Variants in PEDS1 observed in about 807,000 individuals in gnomAD.
PEDS1 encodes plasmanylethanolamine desaturase 1.
A neutral mutation model predicts 35.2 loss-of-function variants in PEDS1; 14 were observed. That is an observed-to-expected ratio of 0.40 (90% CI 0.26 to 0.62). The LOEUF (loss-of-function observed/expected upper bound fraction) is 0.62. Among genes scored for constraint, PEDS1 ranks in the 20% least tolerant of loss-of-function variants. PEDS1 has a pLI of 0.44. For missense variants in PEDS1, 260 were observed against 367.8 expected, an observed-to-expected ratio of 0.71 and a Z score of 2.40; for synonymous variants, 152 against 152.0, an observed-to-expected ratio of 1.00 and a Z score of 0.00.
At chr20:50,141,351 G>A (rs1241941126) in intron 2 of PEDS1, among the ~76,000 whole-genome samples, 1 of 152,224 alleles carries the variant, frequency 6.6e-6, no homozygotes, top group East Asian at 1.9e-4. Context: ...CACATAGTAG[G>A]TGCTCACAAA....
chr20:50,143,756 G>C, intron 1 of PEDS1, 135 bp from the exon 2 acceptor site: 1 of 1,415,852 alleles, frequency 7.1e-7, no homozygotes. Context: ...GGAGTGCAGT[G>C]GTGCCATCTC....
At position 50,139,530 on chromosome 20, in the gene PEDS1, C is replaced by A. The variant is rs375636768; in HGVS notation, c.241+3972G>T. On this transcript the variant is annotated intron_variant, in intron 2 of 5. Transcript: ENST00000371652. ...CCCCCGACCTCCCTGGTTCTCCCCC[C>A]ATCTCCCTGGCAGCGCCATCCCAGC... 5.3e-4 allele frequency among the ~76,000 whole-genome samples: 81 copies of A among 151,970 alleles called. 2 individuals carry two copies. In the South Asian group the frequency reaches 0.015, roughly 27 times the overall value.
Position 50,118,942 on chromosome 20 carries a change from A to T in PEDS1, c.*6116T>A, listed in dbSNP as rs1468484004. On this transcript the variant is annotated 3_prime_UTR_variant, in exon 6 of 6. Transcript: ENST00000371652. ...TTACATGTGAACTTCTGAAATCAGG[A>T]TGCATCTTAGAATCAGTGACATCTT... 1 of 152,190 alleles carries T rather than the reference A, an allele frequency of 6.6e-6. No homozygotes were observed. Among genetic ancestry groups the T allele is most frequent in the African/African-American group, 2.4e-5 (1 of 41,450 alleles). 9.4% of individuals were successfully genotyped at this position (152,190 alleles called of 1,614,324 possible).
rs1270077595 is a variant in PEDS1, at chr20:50,153,520, G to A, written c.118C>T (p.Pro40Ser). ...GARELAALYS[P>S]GKRLQEWCSV... ...GAGGGGGGCCCAGAGGTCTTACCTG[G>A]CGAGTAGAGCGCAGCCAGCTCGCGG... is the stretch of plus-strand genomic sequence containing the variant. Residue 40 changes from proline (P) to serine (S), a missense_variant, in exon 1 of 6, where the codon CCA (proline) becomes TCA (serine). Around this residue, in one of 4 missense-constraint regions of PEDS1, gnomAD observed 114 missense variants for 121.6 expected, o/e 0.94. Transcript: ENST00000371652. 4 of 1,408,554 alleles carry A rather than the reference G, an allele frequency of 2.8e-6. No individual in the cohort carries two copies. Among genetic ancestry groups the A allele is most frequent in the Non-Finnish European group, 3.7e-6 (4 of 1,075,016 alleles). 87.3% of individuals were successfully genotyped at this position (1,408,554 alleles called of 1,614,324 possible).
chr20:50,153,557 C>A lies in PEDS1; in HGVS notation c.81G>T (p.Gln27His). 1.4e-6 allele frequency: 2 copies of A among 1,434,720 alleles called. No individual in the cohort carries two copies. Among genetic ancestry groups the A allele is most frequent in the Non-Finnish European group, 1.8e-6 (2 of 1,087,642 alleles). The allele number at this position is 1,434,720 out of a possible 1,614,324, so 88.9% of individuals were successfully genotyped here. Residue 27 changes from glutamine (Q) to histidine (H), a missense_variant, in exon 1 of 6, where the codon CAG becomes CAT. Physicochemically the swap from Gln to His is conservative, Grantham distance 24. Transcript: ENST00000371652. ...DEASCCRWGA[Q>H]HAGARELAAL... ...CAGCCAGCTCGCGGGCCCCGGCGTGCTGCGCGCCCCAGCGGCAACAAGACG... is the reference window on the plus strand; with the variant it reads ...CAGCCAGCTCGCGGGCCCCGGCGTGATGCGCGCCCCAGCGGCAACAAGACG...
rs1279351983 is a variant in PEDS1, at chr20:50,121,020, C to G, written c.*4038G>C. ...GCCACTACCCTGTGCCACCACCAGA[C>G]AGCAGCACATGCCTACCTGAAACCA... On this transcript the variant is annotated 3_prime_UTR_variant, in exon 6 of 6. Coordinates refer to ENST00000371652, the MANE Select transcript of PEDS1 (RefSeq NM_199129.4). 2 of 152,474 alleles carry G rather than the reference C, an allele frequency of 1.3e-5. No individual in the cohort carries two copies. Among genetic ancestry groups the G allele is most frequent in the East Asian group, 1.9e-4 (1 of 5,198 alleles). The allele number at this position is 152,474 out of a possible 1,614,324, so 9.4% of individuals were successfully genotyped here.
chr20:50,132,431 T>C (rs1016244957), intron 2 of PEDS1, among the ~76,000 whole-genome samples: 2 of 152,140 alleles, frequency 1.3e-5, no homozygotes, highest in Non-Finnish European at 2.9e-5. Context: ...CTCCTTTCCC[T>C]TGCATGCCTC....
At position 50,121,370 on chromosome 20, in the gene PEDS1, A is replaced by T. The variant is rs1424422615; in HGVS notation, c.*3688T>A. On this transcript the variant is annotated 3_prime_UTR_variant, in exon 6 of 6. Transcript: ENST00000371652. ...GGCTTTGGGTCAGACGCTGGCTCAA[A>T]TCCTGATTCTGCCACCTACCAGCTG... is the stretch of plus-strand genomic sequence containing the variant. The T allele has an allele frequency of 2.0e-5, 3 of 152,190 alleles. No homozygotes were observed. The highest frequency in any genetic ancestry group is 4.4e-5 in the Non-Finnish European group (3 of 68,100). 9.4% of individuals were successfully genotyped at this position (152,190 alleles called of 1,614,324 possible). A position where few individuals can be genotyped will look rare whatever the true frequency, so the allele number is the denominator to read the frequency against.
chr20:50,152,736 G>C (rs1228877796), intron 1 of PEDS1, among the ~76,000 whole-genome samples: 1 of 152,166 alleles, frequency 6.6e-6, no homozygotes, highest in Non-Finnish European at 1.5e-5. Flanking sequence ...ACATGGATGT[G>C]AGGGAGGGGC....
chr20:50,122,098 G>C lies in PEDS1; in HGVS notation c.*2960C>G, dbSNP rs1343317050. The C allele has an allele frequency of 1.3e-5, 2 of 152,226 alleles. No individual in the cohort carries two copies. Among genetic ancestry groups the C allele is most frequent in the African/African-American group, 2.4e-5 (1 of 41,444 alleles). 9.4% of individuals were successfully genotyped at this position (152,226 alleles called of 1,614,324 possible). On this transcript the variant is annotated 3_prime_UTR_variant, in exon 6 of 6. Transcript: ENST00000371652. ...CTGGGACTTCCACTGCAACTACTGG[G>C]AATGCACTTTCCACTGAGATTGCTG...
Position 50,123,214 on chromosome 20 carries a change from C to T in PEDS1, c.*1844G>A, listed in dbSNP as rs2081065830. On this transcript the variant is annotated 3_prime_UTR_variant, in exon 6 of 6. Transcript: ENST00000371652. ...TTGTCTTCCATTTTTCCTTAGCTCA[C>T]TCTAGTCCAGCCACAGTGGCTGCCT... The T allele has an allele frequency of 6.6e-6, 1 of 152,104 alleles. No individual in the cohort carries two copies. The highest frequency in any genetic ancestry group is 1.5e-5 in the Non-Finnish European group (1 of 68,040). 9.4% of individuals were successfully genotyped at this position (152,104 alleles called of 1,614,324 possible).
In PEDS1 at chr20:50,124,996, G is replaced by T; in HGVS notation, c.*62C>A. ...GGCCAGCTCAAAGAGGCTGGAATTT[G>T]GCAGATGGCTTCGGTTTGGGGGCTA... On this transcript the variant is annotated 3_prime_UTR_variant, in exon 6 of 6. Coordinates refer to ENST00000371652, the MANE Select transcript of PEDS1 (RefSeq NM_199129.4). The T allele has an allele frequency of 6.3e-7, 1 of 1,598,400 alleles. No homozygotes were observed. The highest frequency in any genetic ancestry group is 1.1e-5 in the South Asian group (1 of 89,620).
At chr20:50,132,817 T>G (rs558640017) in intron 2 of PEDS1, among the ~76,000 whole-genome samples, 1 of 152,272 alleles carries the variant, frequency 6.6e-6, no homozygotes, top group African/African-American at 2.4e-5. Context: ...TTGCTGTCAT[T>G]GAGTCAATCA....
At position 50,118,276 on chromosome 20, in the gene PEDS1, T is replaced by C. The variant is rs537592490; in HGVS notation, c.*6782A>G. ...AGATGACAGTTACAGCAAATATTTA[T>C]TGAGCATTTGCCATATTCCAGGAAC... On this transcript the variant is annotated 3_prime_UTR_variant, in exon 6 of 6. Transcript: ENST00000371652. 6.6e-4 allele frequency: 101 copies of C among 152,352 alleles called. No homozygotes were observed. Among genetic ancestry groups the C allele is most frequent in the Middle Eastern group, 3.4e-3 (1 of 294 alleles). 9.4% of individuals were successfully genotyped at this position (152,352 alleles called of 1,614,324 possible). A position where few individuals can be genotyped will look rare whatever the true frequency, so the allele number is the denominator to read the frequency against.
chr20:50,124,920 T>G lies in PEDS1; in HGVS notation c.*138A>C, dbSNP rs1601203476. On this transcript the variant is annotated 3_prime_UTR_variant, in exon 6 of 6. Transcript: ENST00000371652. The stretch of plus-strand genomic sequence containing the variant: ...CTCAAGTATTCTGTGTCATGAGGGG[T>G]GGGCTGGGGTACCTGGGCCCAGCCC... 22 of 1,131,696 alleles carry G rather than the reference T, an allele frequency of 1.9e-5. No homozygotes were observed. The highest frequency in any genetic ancestry group is 4.9e-5 in the Admixed American group (2 of 40,894). The allele number at this position is 1,131,696 out of a possible 1,614,324, so 70.1% of individuals were successfully genotyped here.
chr20:50,140,775 T>G (rs1323600572), intron 2 of PEDS1, among the ~76,000 whole-genome samples: 1 of 152,124 alleles, frequency 6.6e-6, no homozygotes. Flanking sequence ...CCTGGGACAG[T>G]GGAAGCTCTG....
intron 1 of PEDS1, 102 bp from the exon 2 acceptor site, chr20:50,143,723 A>G (rs2081318923): frequency 1.3e-6 from 2 of 1,489,306 alleles, no homozygotes; most frequent in African/African-American, 1.4e-5. Context: ...TCTGAGACAG[A>G]GTCTCACTCT....
rs1269625248 is a variant in PEDS1 at position 50,128,076 on chromosome 20, C to A, written c.590G>T (p.Arg197Leu). 1.2e-6 allele frequency: 2 copies of A among 1,614,162 alleles called. No homozygotes were observed. Among genetic ancestry groups the A allele is most frequent in the South Asian group, 2.2e-5 (2 of 91,078 alleles). ...KWSHTYFGLP[R>L]WVTLLQDWHV... The stretch of plus-strand genomic sequence containing the variant: ...CCAGTCCTGCAGGAGGGTGACCCAG[C>A]GTGGCAGCCCAAAGTACGTGTGCGA... The change falls in exon 5 of 6, where the codon CGC (arginine) becomes CTC (leucine). Residue 197 changes from arginine (R) to leucine (L), a missense_variant. Physicochemically the swap from Arg to Leu is moderately radical, Grantham distance 102 (BLOSUM62 -2). This residue lies in a region of PEDS1 where 83 missense variants were observed against 142.8 expected (regional missense o/e 0.58). Coordinates refer to ENST00000371652, the MANE Select transcript of PEDS1 (RefSeq NM_199129.4). The surrounding 1 kb of genome is among the most constrained non-coding windows in gnomAD (Gnocchi z 5.2).
chr20:50,150,043 G>A (rs2081386626), intron 1 of PEDS1, among the ~76,000 whole-genome samples: 1 of 152,212 alleles, frequency 6.6e-6, no homozygotes, highest in Admixed American at 6.5e-5. Context: ...CCCATCAGGT[G>A]AGGGCAGATG....
Sources: gnomAD v4.1 joint callset for allele counts (sites outside exome capture counted in the v4.1 genomes callset) on GRCh38, gnomAD v4.1.1 for gene constraint, gnomAD v4.1.1 regional missense constraint, Gnocchi (gnomAD v3.1) non-coding constraint, MANE v1.5 for transcripts, NCBI Gene and HGNC (gene_info 2026-07-23, HGNC 2026-07-21) for gene names.